The following DYNC1I1 variants were observed in gnomAD, a reference collection of about 807,000 sequenced individuals.
The protein encoded by DYNC1I1 is dynein cytoplasmic 1 intermediate chain 1.
In DYNC1I1, 43 loss-of-function variants were observed where a neutral mutation model predicts 86.6. The ratio of observed to expected loss-of-function variants is 0.50; its 90% CI spans 0.39 to 0.64. The LOEUF (loss-of-function observed/expected upper bound fraction) is 0.64, where lower values mean the gene tolerates loss of function less well. DYNC1I1 is among the 30% of genes least tolerant of loss of function. The probability of loss-of-function intolerance (pLI) is 0.00; values close to 1 mark genes in which losing one functional copy is unlikely to be tolerated. For missense variants in DYNC1I1, 604 were observed against 788.8 expected (o/e 0.77, Z 2.81); for synonymous variants, 262 against 283.7 (o/e 0.92, Z 0.77).
At chr7:95,818,137 G>C (rs1281132958) in intron 4 of DYNC1I1, among the ~76,000 whole-genome samples, 2 of 151,960 alleles carry the variant, frequency 1.3e-5, no homozygotes, top group Non-Finnish European at 2.9e-5. Context: ...ATAGTCCGAA[G>C]GGGAGATTTC....
At chr7:95,993,667 G>C (rs896966983) in intron 9 of DYNC1I1, among the ~76,000 whole-genome samples, 1 of 152,120 alleles carries the variant, frequency 6.6e-6, no homozygotes, top group African/African-American at 2.4e-5. Context: ...GTGTGTCACT[G>C]TACGCTTATA....
intron 6 of DYNC1I1, among the ~76,000 whole-genome samples, chr7:95,951,455 A>G (rs369832496): frequency 3.9e-4 from 59 of 152,130 alleles, no homozygotes; most frequent in Middle Eastern, 6.8e-3. Flanking sequence ...TTAGCTTTTG[A>G]ATGTTTTTTG....
chr7:95,871,522 G>C (rs1163984959), intron 6 of DYNC1I1, among the ~76,000 whole-genome samples: 1 of 152,200 alleles, frequency 6.6e-6, no homozygotes, highest in East Asian at 1.9e-4. Context: ...GGTATTTGCA[G>C]AGCTGTAGCT....
Position 95,892,468 on chromosome 7 carries a change from G to T in DYNC1I1, c.490+22470G>T, listed in dbSNP as rs145051196. Among the ~76,000 whole-genome samples the T allele has an allele frequency of 5.3e-3, 804 of 152,224 alleles. 4 individuals carry two copies. The highest frequency in any genetic ancestry group is 0.018 in the African/African-American group (762 of 41,554). ...TGGGACTACAGATGCCTGCCACCACGCCCAGCTAATTTTTTTGTATTTTTA... is the reference window on the plus strand; with the variant it reads ...TGGGACTACAGATGCCTGCCACCACTCCCAGCTAATTTTTTTGTATTTTTA... On this transcript the variant is annotated intron_variant, in intron 6 of 16. Coordinates refer to ENST00000447467, the MANE Select transcript of DYNC1I1 (RefSeq NM_001135556.2).
chr7:95,817,597 G>A (rs990537356), intron 4 of DYNC1I1, among the ~76,000 whole-genome samples: 3 of 151,964 alleles, frequency 2.0e-5, no homozygotes, highest in Non-Finnish European at 4.4e-5. Context: ...AATCTTTTTA[G>A]ATCCTCTCAT....
intron 10 of DYNC1I1, among the ~76,000 whole-genome samples, chr7:96,025,091 T>C (rs1794645255): frequency 6.6e-6 from 1 of 152,044 alleles, no homozygotes; most frequent in South Asian, 2.1e-4. Flanking sequence ...GGATGAAAAA[T>C]AAAAAATTAA....
chr7:95,862,991 A>G (rs1279377533), intron 5 of DYNC1I1, among the ~76,000 whole-genome samples: 1 of 152,178 alleles, frequency 6.6e-6, no homozygotes, highest in East Asian at 1.9e-4. Flanking sequence ...GATATTGTTT[A>G]TCTTTGAATA....
At chr7:96,043,212 T>A (rs1391059131) in intron 14 of DYNC1I1, among the ~76,000 whole-genome samples, 1 of 150,330 alleles carries the variant, frequency 6.7e-6, no homozygotes, top group Admixed American at 6.6e-5. Flanking sequence ...AATGACAGAA[T>A]TTGAAAATCA....
chr7:96,100,434 TGACA>T (rs1014936153), downstream of DYNC1I1, among the ~76,000 whole-genome samples: 18 of 151,728 alleles, frequency 1.2e-4, no homozygotes, highest in African/African-American at 4.4e-4. Context: ...TCTTGAGGCC[TGACA>T]AACATCACTG....
intron 10 of DYNC1I1, among the ~76,000 whole-genome samples, chr7:96,016,302 GTT>G (rs75914318): frequency 6.8e-5 from 9 of 132,718 alleles, no homozygotes; most frequent in African/African-American, 8.3e-5. Context: ...AACACTTTAG[GTT>G]TTTTTTTTTT....
chr7:96,069,875 A>G (rs1193826428), intron 14 of DYNC1I1, among the ~76,000 whole-genome samples: 3 of 152,232 alleles, frequency 2.0e-5, no homozygotes, highest in African/African-American at 7.2e-5. Flanking sequence ...ACATTTATAG[A>G]GAAGCAAATG....
At chr7:95,887,290 A>C (rs1281320764) in intron 6 of DYNC1I1, among the ~76,000 whole-genome samples, 1 of 152,220 alleles carries the variant, frequency 6.6e-6, no homozygotes, top group African/African-American at 2.4e-5. Context: ...TGAGAAGATC[A>C]CTGATCTAAT....
At chr7:95,804,866 G>C in intron 2 of DYNC1I1, 29 bp downstream of exon 2, 1 of 1,533,888 alleles carries the variant, frequency 6.5e-7, no homozygotes, top group Non-Finnish European at 8.8e-7. Context: ...GGTGTTGTGG[G>C]GGAAAAAGGA....
intron 2 of DYNC1I1, among the ~76,000 whole-genome samples, chr7:95,807,090 T>G (rs1468486300): frequency 6.6e-6 from 1 of 152,180 alleles, no homozygotes; most frequent in African/African-American, 2.4e-5. Flanking sequence ...GCTGTCATTC[T>G]GCTTCTGAGA....
chr7:96,035,796 G>T (rs778178901), intron 13 of DYNC1I1, 44 bp downstream of exon 13: 3 of 1,598,378 alleles, frequency 1.9e-6, no homozygotes, highest in African/African-American at 1.4e-5. Context: ...CTTCATTTCC[G>T]AAAGTCTGTT....
intron 5 of DYNC1I1, among the ~76,000 whole-genome samples, chr7:95,838,810 T>C (rs192448082): frequency 6.6e-6 from 1 of 152,324 alleles, no homozygotes; most frequent in Non-Finnish European, 1.5e-5. Flanking sequence ...GCTTTCTTGA[T>C]TTCTTTTTCA....
At chr7:95,886,813 G>A (rs76107623) in intron 6 of DYNC1I1, among the ~76,000 whole-genome samples, 3,777 of 152,294 alleles carry the variant, frequency 0.025, 133 homozygotes, top group African/African-American at 0.078. Context: ...AGGAGCAGCA[G>A]TGATCACAGA....
At chr7:96,031,743 AC>A (rs1489764549) in intron 11 of DYNC1I1, among the ~76,000 whole-genome samples, 2 of 152,196 alleles carry the variant, frequency 1.3e-5, no homozygotes, top group Non-Finnish European at 2.9e-5. Flanking sequence ...TAAGACTGAT[AC>A]TGTCAGCTAT....
At chr7:95,965,161 T>A (rs1027414739) in intron 6 of DYNC1I1, among the ~76,000 whole-genome samples, 4 of 152,202 alleles carry the variant, frequency 2.6e-5, no homozygotes, top group Non-Finnish European at 4.4e-5. Context: ...GAAACTGGAA[T>A]AGGCAAGGAA....
Sources: gnomAD v4.1 joint callset for allele counts (sites outside exome capture counted in the v4.1 genomes callset) on GRCh38, gnomAD v4.1.1 for gene constraint, MANE v1.5 for transcripts, NCBI Gene and HGNC (gene_info 2026-07-23, HGNC 2026-07-21) for gene names.